Variants in MROH1 observed in about 807,000 individuals in gnomAD.
MROH1 encodes the protein maestro heat like repeat family member 1.
MROH1 carries 117 observed loss-of-function variants against 116.5 expected under a neutral mutation model. The observed-to-expected ratio is 1.00, with a 90% CI of 0.86 to 1.17. The LOEUF (loss-of-function observed/expected upper bound fraction) is 1.17. MROH1 is among the 50% of genes most tolerant of loss of function. MROH1 has a pLI of 0.00. For synonymous variants in MROH1, 921 were observed against 583.9 expected (o/e 1.58, Z -8.32); for missense variants, 1,873 against 1,338.5 (o/e 1.40, Z -6.23).
intron 7 of MROH1, among the ~76,000 whole-genome samples, chr8:144,184,369 C>T (rs118100837): frequency 1.6e-3 from 248 of 152,232 alleles, no homozygotes; most frequent in Non-Finnish European, 3.0e-3. Context: ...CAGCTCTCCA[C>T]GGACCCAGGA....
chr8:144,227,571 G>A (rs1018069396), intron 14 of MROH1, among the ~76,000 whole-genome samples: 2 of 152,064 alleles, frequency 1.3e-5, no homozygotes, highest in African/African-American at 2.4e-5. Flanking sequence ...CTGGAGCCTG[G>A]GAGGCAGAGG....
At chr8:144,258,743 GC>G in intron 35 of MROH1, 33 bp from the exon 36 acceptor site, 1 of 750,460 alleles carries the variant, frequency 1.3e-6, no homozygotes, top group East Asian at 2.5e-5. Context: ...AGGCGTGTGT[GC>G]CCTACCAGCT....
chr8:144,168,530 C>T (rs951581121), intron 4 of MROH1, 90 bp downstream of exon 4: 22 of 1,480,944 alleles, frequency 1.5e-5, no homozygotes, highest in Non-Finnish European at 1.9e-5. Flanking sequence ...CAGCCAGGAG[C>T]AGTGGGTCGG....
At chr8:144,219,179 T>G (rs962270647) in intron 12 of MROH1, among the ~76,000 whole-genome samples, 10 of 151,738 alleles carry the variant, frequency 6.6e-5, no homozygotes, top group African/African-American at 2.4e-4. Context: ...TCCACCACCA[T>G]GCCCGGCTAA....
At position 144,220,608 on chromosome 8, in the gene MROH1, A is replaced by G. The variant is rs777622613; in HGVS notation, c.1150A>G (p.Met384Val). The G allele has an allele frequency of 1.9e-6, 3 of 1,573,790 alleles. No homozygotes were observed. In the South Asian group the frequency reaches 3.5e-5, roughly 18 times the overall value. The change falls in exon 13 of 44, where the codon ATG (methionine) becomes GTG (valine). Residue 384 changes from methionine to valine, a missense_variant. Coordinates refer to ENST00000326134, the MANE Select transcript of MROH1 (RefSeq NM_032450.3). ...CTGTTTGTTTCTTGCAGCTGCTCAG[A>G]TGGAAGATAAAAAGCCCTTTATCCT... ...RHVINSAAAQ[M>V]EDKKPFILSS...
intron 12 of MROH1, among the ~76,000 whole-genome samples, chr8:144,205,727 G>A (rs560779603): frequency 2.6e-4 from 40 of 152,110 alleles, no homozygotes; most frequent in African/African-American, 8.4e-4. Context: ...CCATGACTTC[G>A]GAAGCCTTCT....
chr8:144,149,497 G>T (rs1816215760), intron 1 of MROH1, among the ~76,000 whole-genome samples: 2 of 152,112 alleles, frequency 1.3e-5, no homozygotes, highest in Non-Finnish European at 2.9e-5. Flanking sequence ...CTGAGTTCGT[G>T]GCTGTCTCCT....
intron 32 of MROH1, among the ~76,000 whole-genome samples, 169 bp downstream of exon 32, chr8:144,249,198 G>T (rs1043442322): frequency 2.0e-5 from 3 of 152,184 alleles, no homozygotes; most frequent in Non-Finnish European, 4.4e-5. Flanking sequence ...CCCTCCTCGG[G>T]TGTGACCCCC....
chr8:144,199,184 C>T lies in MROH1; in HGVS notation c.1011C>T (p.Arg337=). The change falls in exon 11 of 44, where the codon CGC becomes CGT. Residue 337 remains arginine, a synonymous_variant. Transcript: ENST00000326134. ...LVMSNQKEVL[R]CFTVLACSSP... ...TGAGTAACCAGAAGGAGGTGCTGCG[C>T]TGCTTCACTGTGCTGGGTGAGTGGT... is the stretch of plus-strand genomic sequence containing the variant. 1 of 1,613,336 alleles carries T rather than the reference C, an allele frequency of 6.2e-7. No homozygotes were observed. The highest frequency in any genetic ancestry group is 1.7e-5 in the Admixed American group (1 of 59,898).
intron 7 of MROH1, among the ~76,000 whole-genome samples, chr8:144,183,273 T>C (rs961162785): frequency 6.8e-6 from 1 of 148,078 alleles, no homozygotes; most frequent in Admixed American, 6.8e-5. Flanking sequence ...TCCAGCTCCT[T>C]GGAAGGCTGA....
intron 12 of MROH1, among the ~76,000 whole-genome samples, chr8:144,209,014 G>A (rs1213232132): frequency 3.3e-5 from 5 of 149,494 alleles, no homozygotes; most frequent in African/African-American, 1.3e-4. Flanking sequence ...ATGAGCCAAT[G>A]CACTCGGCCA....
At position 144,192,328 on chromosome 8, in the gene MROH1, A is replaced by G. The variant is rs755956309; in HGVS notation, c.875A>G (p.Glu292Gly). The G allele has an allele frequency of 6.3e-7, 1 of 1,597,528 alleles. No individual in the cohort carries two copies. The highest frequency in any genetic ancestry group is 2.2e-4 in the Middle Eastern group (1 of 4,512). The stretch of plus-strand genomic sequence containing the variant: ...GAGCAGAGCCTGGGCCAGATCCTCG[A>G]GGCAGCTGTGAGTGTGGGCAGCCGC... ...YLSKSLGQIL[E>G]AAVSVGSRTL... Residue 292 changes from glutamate to glycine, a missense_variant, in exon 10 of 44, where the codon GAG becomes GGG. Glu to Gly is a moderately conservative substitution (Grantham distance 98). Coordinates refer to ENST00000326134, the MANE Select transcript of MROH1 (RefSeq NM_032450.3).
chr8:144,182,116 G>A lies in MROH1; in HGVS notation c.562+1593G>A, dbSNP rs1255768231. On this transcript the variant is annotated intron_variant, in intron 7 of 43. Transcript: ENST00000326134. This position sits in a 1 kb window ranked among gnomAD's most constrained non-coding sequence, Gnocchi z 4.1. ...GAGGGGTTGGTGGTCCTGCTGGCTG[G>A]AGCAGCCTGGGGCCAGAGGAAGCCG... 6.6e-6 allele frequency among the ~76,000 whole-genome samples: 1 copy of A among 151,898 alleles called. No individual in the cohort carries two copies. Among genetic ancestry groups the A allele is most frequent in the African/African-American group, 2.4e-5 (1 of 41,150 alleles).
intron 29 of MROH1, among the ~76,000 whole-genome samples, chr8:144,246,411 T>G (rs1841932560): frequency 6.6e-6 from 1 of 152,100 alleles, no homozygotes; most frequent in Non-Finnish European, 1.5e-5. Flanking sequence ...ATTACAGGCA[T>G]GAGCCACCGC....
chr8:144,202,735 C>A lies in MROH1; in HGVS notation c.1141+2194C>A, dbSNP rs1186162026. Among the ~76,000 whole-genome samples, 51 of 116,456 alleles carry A rather than the reference C, an allele frequency of 4.4e-4. 1 individual carries two copies. Among genetic ancestry groups the A allele is most frequent in the Non-Finnish European group, 7.0e-4 (40 of 57,052 alleles). The allele number at this position is 116,456 out of a possible 152,430, so 76.4% of individuals were successfully genotyped here. A position where few individuals can be genotyped will look rare whatever the true frequency, so the allele number is the denominator to read the frequency against. On this transcript the variant is annotated intron_variant, in intron 12 of 43. Coordinates refer to ENST00000326134, the MANE Select transcript of MROH1 (RefSeq NM_032450.3). ...TTCTGTGGAGGAGCCTGGAGAGGAG[C>A]GCCCGCCATCTGCGGAGGGGTTGGG...
At chr8:144,224,866 G>A (rs974785623) in intron 14 of MROH1, among the ~76,000 whole-genome samples, 1 of 152,146 alleles carries the variant, frequency 6.6e-6, no homozygotes, top group Non-Finnish European at 1.5e-5. Context: ...GAGCAGGCAG[G>A]TGCAGGGCCA....
chr8:144,236,712 C>T (rs1371724188), intron 14 of MROH1, among the ~76,000 whole-genome samples: 1 of 151,318 alleles, frequency 6.6e-6, no homozygotes, highest in Non-Finnish European at 1.5e-5. Flanking sequence ...CACTGCACTC[C>T]AGCCTGGGTG....
At chr8:144,191,693 C>T in intron 8 of MROH1, 22 bp from the exon 9 acceptor site, 3 of 1,610,522 alleles carry the variant, frequency 1.9e-6, no homozygotes, top group Non-Finnish European at 2.5e-6. Context: ...GCGTAAGCTT[C>T]CCGCCCACTG....
intron 32 of MROH1, 100 bp from the exon 33 acceptor site, chr8:144,250,095 TATGGAGCTCTGCATCTC>T: frequency 2.9e-6 from 2 of 690,936 alleles, no homozygotes; most frequent in South Asian, 3.1e-5. Flanking sequence ...GAACCAGCAG[TATGGAGCTCTGCATCTC>T]ATGGGGCTCC....
Sources: gnomAD v4.1 joint callset for allele counts (sites outside exome capture counted in the v4.1 genomes callset) on GRCh38, gnomAD v4.1.1 for gene constraint, Gnocchi (gnomAD v3.1) non-coding constraint, MANE v1.5 for transcripts, NCBI Gene and HGNC (gene_info 2026-07-23, HGNC 2026-07-21) for gene names.